Variants in RUFY3 observed in about 807,000 individuals in gnomAD.
RUFY3 encodes the protein protein RUFY3.
RUFY3 carries 34 observed loss-of-function variants against 84.0 expected under a neutral mutation model. The observed-to-expected ratio is 0.40, with a 90% CI of 0.31 to 0.54. RUFY3 has a LOEUF of 0.54. Ranked by LOEUF, RUFY3 falls within the 20% of genes least tolerant of loss-of-function variation. The pLI is 0.39. For synonymous variants in RUFY3, 242 were observed against 252.9 expected (o/e 0.96, Z 0.41); for missense variants, 507 against 736.8 (o/e 0.69, Z 3.61).
intron 4 of RUFY3, 130 bp downstream of exon 4, chr4:70,764,706 C>T: frequency 1.7e-6 from 1 of 600,508 alleles, no homozygotes; most frequent in Non-Finnish European, 2.9e-6. Flanking sequence ...GATACTTTCT[C>T]TCATACCTCA....
intron 14 of RUFY3, among the ~76,000 whole-genome samples, chr4:70,799,060 G>T (rs187381793): frequency 8.1e-5 from 12 of 148,612 alleles, no homozygotes; most frequent in African/African-American, 2.5e-4. Context: ...CAGGAGACTC[G>T]CTTGAAACCA....
At chr4:70,804,562 AG>A (rs1732630854) in intron 17 of RUFY3, 146 bp downstream of exon 17, 1 of 544,388 alleles carries the variant, frequency 1.8e-6, no homozygotes, top group Non-Finnish European at 3.3e-6. Context: ...AAAAGGGGCA[AG>A]CATTTACTGG....
Position 70,728,983 on chromosome 4 carries a change from G to T in RUFY3, c.178+6232G>T, listed in dbSNP as rs570042760. On this transcript the variant is annotated intron_variant, in intron 1 of 17. Coordinates refer to ENST00000381006, the MANE Select transcript of RUFY3 (RefSeq NM_001037442.4). ...TGAAGAAATCTGCTGGATACCTAAT[G>T]AGTCTCTTTAGAGTTGGGTGGATAA... is the stretch of plus-strand genomic sequence containing the variant. Among the ~76,000 whole-genome samples, 3 of 151,784 alleles carry T rather than the reference G, an allele frequency of 2.0e-5. No homozygotes were observed. The East Asian group carries it at 5.8e-4, about 29-fold the overall frequency.
rs528256649 is a variant in RUFY3, at chr4:70,805,874, T to C, written c.1720-642T>C. Among the ~76,000 whole-genome samples, 6 of 152,340 alleles carry C rather than the reference T, an allele frequency of 3.9e-5. No individual in the cohort carries two copies. In the South Asian group the frequency reaches 8.3e-4, roughly 21 times the overall value. ...TATAGGACCCTTGGAGCTTTGTGTATACCACCCTATCACAGCCTTACTGCT... is the reference window on the plus strand; with the variant it reads ...TATAGGACCCTTGGAGCTTTGTGTACACCACCCTATCACAGCCTTACTGCT... On this transcript the variant is annotated intron_variant, in intron 17 of 17. Transcript: ENST00000381006.
At chr4:70,773,356 G>C (rs1195654679) in intron 5 of RUFY3, among the ~76,000 whole-genome samples, 155 bp from the exon 6 acceptor site, 1 of 152,180 alleles carries the variant, frequency 6.6e-6, no homozygotes, top group East Asian at 1.9e-4. Context: ...GTTAATTCTT[G>C]ATTAAACTGA....
At position 70,807,589 on chromosome 4, in the gene RUFY3, C is replaced by G. The variant is rs1280371896; in HGVS notation, c.*930C>G. ...AAGCTGGAGGGCAGTAGTGCAATCA[C>G]AGCTCACTGAATCCCTGTTCTCCCG... On this transcript the variant is annotated 3_prime_UTR_variant, in exon 18 of 18. Transcript: ENST00000381006. Among the ~76,000 whole-genome samples, 1 of 151,926 alleles carries G rather than the reference C, an allele frequency of 6.6e-6. No individual in the cohort carries two copies. Among genetic ancestry groups the G allele is most frequent in the Admixed American group, 6.6e-5 (1 of 15,252 alleles).
chr4:70,751,776 GCTAAAC>G (rs1440021878), intron 1 of RUFY3, among the ~76,000 whole-genome samples: 2 of 151,838 alleles, frequency 1.3e-5, no homozygotes, highest in African/African-American at 2.4e-5. Flanking sequence ...TTCTTTTGTT[GCTAAAC>G]CATTGCCTAG....
At chr4:70,791,876 A>G in intron 12 of RUFY3, 1 of 985,698 alleles carries the variant, frequency 1.0e-6, no homozygotes, top group South Asian at 4.7e-5. Context: ...AGTAACCAAG[A>G]TTGCTTGCAA....
chr4:70,778,239 T>A, intron 7 of RUFY3, 130 bp from the exon 8 acceptor site: 5 of 353,988 alleles, frequency 1.4e-5, no homozygotes, highest in African/African-American at 2.2e-5. Context: ...CGTCTAAAAA[T>A]AATAATAATA....
chr4:70,797,330 T>C (rs1731649512), intron 14 of RUFY3, among the ~76,000 whole-genome samples: 1 of 152,166 alleles, frequency 6.6e-6, no homozygotes, highest in Admixed American at 6.5e-5. Flanking sequence ...TAATACAAGT[T>C]TATTTTGGTG....
chr4:70,734,376 A>G (rs1719937947), intron 1 of RUFY3: 1 of 985,248 alleles, frequency 1.0e-6, no homozygotes, highest in South Asian at 4.7e-5. Context: ...TTACAGAAAC[A>G]TTTGTTGCCA....
intron 14 of RUFY3, 45 bp from the exon 15 acceptor site, chr4:70,800,096 T>A: frequency 6.4e-7 from 1 of 1,550,622 alleles, no homozygotes; most frequent in Non-Finnish European, 8.8e-7. Context: ...TATCATTATT[T>A]AGCATTCTGA....
intron 1 of RUFY3, among the ~76,000 whole-genome samples, chr4:70,755,350 G>A (rs1225608723): frequency 2.0e-5 from 3 of 152,124 alleles, no homozygotes; most frequent in Non-Finnish European, 2.9e-5. Flanking sequence ...GCCAAGAATT[G>A]CATATAACAT....
chr4:70,759,401 TA>T (rs1578114019), intron 1 of RUFY3, among the ~76,000 whole-genome samples: 2 of 151,402 alleles, frequency 1.3e-5, no homozygotes, highest in East Asian at 3.9e-4. Context: ...TGTGTGTGTG[TA>T]TACCACATTT....
At chr4:70,716,761 T>G (rs1174022422) in intron 1 of RUFY3, among the ~76,000 whole-genome samples, 1 of 151,140 alleles carries the variant, frequency 6.6e-6, no homozygotes, top group Non-Finnish European at 1.5e-5. Flanking sequence ...GGAGAATTGC[T>G]TGAACCTGGG....
chr4:70,736,119 G>A (rs1450225383), intron 1 of RUFY3, among the ~76,000 whole-genome samples: 1 of 147,774 alleles, frequency 6.8e-6, no homozygotes, highest in Non-Finnish European at 1.5e-5. Flanking sequence ...GCGCCACAGT[G>A]CTCCACTGGG....
chr4:70,735,617 G>C (rs957470841), intron 1 of RUFY3, among the ~76,000 whole-genome samples: 1 of 152,136 alleles, frequency 6.6e-6, no homozygotes, highest in Non-Finnish European at 1.5e-5. Flanking sequence ...AAGGCAGGCG[G>C]ATTGCTTGAG....
chr4:70,753,948 A>G (rs1002283934), intron 1 of RUFY3, among the ~76,000 whole-genome samples: 3 of 152,176 alleles, frequency 2.0e-5, no homozygotes, highest in African/African-American at 7.2e-5. Flanking sequence ...GGATGAGTAT[A>G]TTAATCCTTT....
At chr4:70,781,508 C>T (rs1260040228) in intron 8 of RUFY3, among the ~76,000 whole-genome samples, 1 of 152,164 alleles carries the variant, frequency 6.6e-6, no homozygotes, top group African/African-American at 2.4e-5. Flanking sequence ...TAAATGTCTA[C>T]TTCATTATTG....
Sources: gnomAD v4.1 joint callset for allele counts (sites outside exome capture counted in the v4.1 genomes callset) on GRCh38, gnomAD v4.1.1 for gene constraint, MANE v1.5 for transcripts, NCBI Gene and HGNC (gene_info 2026-07-23, HGNC 2026-07-21) for gene names.